Variants in PDE2A observed in about 807,000 individuals in gnomAD.
The protein encoded by PDE2A is cGMP-dependent 3',5'-cyclic phosphodiesterase.
A neutral mutation model predicts 133.6 loss-of-function variants in PDE2A; 53 were observed. That is an observed-to-expected ratio of 0.40 (90% CI 0.32 to 0.50). The LOEUF is 0.50. PDE2A is among the 20% of genes least tolerant of loss of function. The pLI, the probability that PDE2A is intolerant of heterozygous loss-of-function variation, is 0.73. For missense variants in PDE2A, 796 were observed against 1,232.4 expected (o/e 0.65, Z 5.30); for synonymous variants, 491 against 490.2 (o/e 1.00, Z -0.02).
intron 2 of PDE2A, 103 bp downstream of exon 2, chr11:72,642,151 A>C (rs1249795548): frequency 2.0e-5 from 26 of 1,327,146 alleles, no homozygotes; most frequent in Non-Finnish European, 2.5e-5. Context: ...TCAGAACTAG[A>C]GGAGGGGTCT....
At chr11:72,625,956 G>A (rs528163624) in intron 2 of PDE2A, among the ~76,000 whole-genome samples, 35 of 152,366 alleles carry the variant, frequency 2.3e-4, no homozygotes, top group African/African-American at 8.4e-4. Context: ...ACGGTGGGGG[G>A]TGGGGCCGGC....
chr11:72,602,926 C>T (rs1043878466), intron 4 of PDE2A, among the ~76,000 whole-genome samples: 1 of 152,186 alleles, frequency 6.6e-6, no homozygotes, highest in Non-Finnish European at 1.5e-5. Flanking sequence ...GCCTCTCCGC[C>T]CTAACTGTGG....
At chr11:72,669,879 T>A (rs1358405174) in intron 1 of PDE2A, among the ~76,000 whole-genome samples, 3 of 152,204 alleles carry the variant, frequency 2.0e-5, no homozygotes, top group Non-Finnish European at 4.4e-5. Flanking sequence ...GCTGGGTCCC[T>A]CAGCAAGCTC....
At position 72,576,804 on chromosome 11, in the gene PDE2A, C is replaced by T. The variant is rs1174343779; in HGVS notation, c.*580G>A. On this transcript the variant is annotated 3_prime_UTR_variant, in exon 31 of 31. Coordinates refer to ENST00000334456, the MANE Select transcript of PDE2A (RefSeq NM_002599.5). The stretch of plus-strand genomic sequence containing the variant: ...CTCTCTGCAGAGCACTGAGCTGCCC[C>T]TCTGGCAGCTTCTTCCTGGGGCCCC... 5.9e-6 allele frequency: 1 copy of T among 169,592 alleles called. No individual in the cohort carries two copies. Among genetic ancestry groups the T allele is most frequent in the Admixed American group, 6.5e-5 (1 of 15,326 alleles). The allele number at this position is 169,592 out of a possible 1,614,324, so 10.5% of individuals were successfully genotyped here.
intron 2 of PDE2A, among the ~76,000 whole-genome samples, chr11:72,621,004 T>A (rs1042443830): frequency 6.6e-5 from 10 of 152,040 alleles, no homozygotes; most frequent in Non-Finnish European, 1.3e-4. Flanking sequence ...CAAGAGACCA[T>A]AGAGTATTTA....
At chr11:72,588,754 C>A in intron 13 of PDE2A, 30 bp downstream of exon 13, 1 of 1,571,140 alleles carries the variant, frequency 6.4e-7, no homozygotes, top group Non-Finnish European at 8.7e-7. Flanking sequence ...AGTGACATCT[C>A]CTGATCTGCA....
chr11:72,622,463 G>T (rs909946229), intron 2 of PDE2A, among the ~76,000 whole-genome samples: 3 of 152,224 alleles, frequency 2.0e-5, no homozygotes, highest in African/African-American at 7.2e-5. Flanking sequence ...CAAGTGTCTG[G>T]TGTTGGATGG....
chr11:72,599,310 C>T (rs1241268840), intron 4 of PDE2A, among the ~76,000 whole-genome samples: 4 of 152,060 alleles, frequency 2.6e-5, no homozygotes, highest in African/African-American at 9.7e-5. Flanking sequence ...CCAGCCCTCA[C>T]TCATGAGCTC....
At position 72,590,655 on chromosome 11, in the gene PDE2A, T is replaced by C; in HGVS notation, c.550-75A>G. The C allele has an allele frequency of 2.3e-6, 3 of 1,278,144 alleles. No homozygotes were observed. Among genetic ancestry groups the C allele is most frequent in the East Asian group, 3.1e-5 (1 of 31,938 alleles). 79.2% of individuals were successfully genotyped at this position (1,278,144 alleles called of 1,614,324 possible). ...CTTGCTGCAGCGGGATTCCTGCCTT[T>C]GCTCCCGCCGTTCCCTCTGCCTGCC... On this transcript the variant is annotated intron_variant, in intron 7 of 30. Coordinates refer to ENST00000334456, the MANE Select transcript of PDE2A (RefSeq NM_002599.5). This position sits in a 1 kb window ranked among gnomAD's most constrained non-coding sequence, Gnocchi z 4.8.
intron 1 of PDE2A, among the ~76,000 whole-genome samples, chr11:72,664,125 C>T (rs1375239329): frequency 6.6e-6 from 1 of 152,152 alleles, no homozygotes; most frequent in Non-Finnish European, 1.5e-5. Flanking sequence ...AGCCACAGCT[C>T]CTGCAGGGCA....
At chr11:72,655,826 T>A (rs1462856195) in intron 1 of PDE2A, among the ~76,000 whole-genome samples, 2 of 152,200 alleles carry the variant, frequency 1.3e-5, no homozygotes, top group South Asian at 2.1e-4. Context: ...CTAGGGAGAT[T>A]CAGGAGGGAT....
intron 1 of PDE2A, among the ~76,000 whole-genome samples, chr11:72,644,625 A>G (rs1859078179): frequency 6.6e-6 from 1 of 152,212 alleles, no homozygotes; most frequent in Admixed American, 6.5e-5. Context: ...ACCTCAGACC[A>G]TGGTCAACAG....
intron 1 of PDE2A, among the ~76,000 whole-genome samples, chr11:72,673,896 G>A (rs1020633439): frequency 6.6e-6 from 1 of 152,070 alleles, no homozygotes; most frequent in Non-Finnish European, 1.5e-5. Flanking sequence ...CCCCTTCCAT[G>A]GGACCCCAGC....
intron 4 of PDE2A, 82 bp downstream of exon 4, chr11:72,605,056 A>G (rs981373247): frequency 2.3e-6 from 2 of 859,108 alleles, no homozygotes; most frequent in Admixed American, 3.9e-5. Flanking sequence ...GGAGGGTCAG[A>G]CCAGATGACC....
intron 3 of PDE2A, among the ~76,000 whole-genome samples, chr11:72,605,633 G>A (rs1445830904): frequency 1.3e-5 from 2 of 152,204 alleles, no homozygotes; most frequent in Non-Finnish European, 2.9e-5. Context: ...CTGTACCAGG[G>A]ATGGGGCTCA....
intron 1 of PDE2A, chr11:72,652,670 A>G (rs1565193036): frequency 2.2e-6 from 1 of 456,244 alleles, no homozygotes; most frequent in East Asian, 6.9e-5. Context: ...TATTAGCCCA[A>G]TTTTACAGTT....
chr11:72,598,794 C>A, intron 4 of PDE2A: 1 of 985,422 alleles, frequency 1.0e-6, no homozygotes, highest in Non-Finnish European at 1.2e-6. Context: ...CATTCTGAAC[C>A]AAACCCATTC....
At position 72,590,513 on chromosome 11, in the gene PDE2A, A is replaced by T. The variant is rs1022041975; in HGVS notation, c.617T>A (p.Val206Asp). ...CGCCGTCCCCTCCGGGGGGTTCTGG[A>T]CGGCTCGGGGAGCCTCCCTGGGCCC... ...QRGPREAPRAVQNPPEGTAED... is the reference protein window; with the variant it reads ...QRGPREAPRADQNPPEGTAED... Residue 206 changes from valine (V) to aspartate (D), a missense_variant, in exon 8 of 31, where the codon GTC becomes GAC. Physicochemically the swap from Val to Asp is radical, Grantham distance 152 (BLOSUM62 -3). Around this residue, in one of 7 missense-constraint regions of PDE2A, gnomAD observed 417 missense variants for 475.3 expected, o/e 0.88. Transcript: ENST00000334456. This position sits in a 1 kb window ranked among gnomAD's most constrained non-coding sequence, Gnocchi z 4.8. 4.5e-5 allele frequency: 67 copies of T among 1,483,890 alleles called. 3 individuals carry two copies. In the Admixed American group the frequency reaches 1.3e-3, roughly 29 times the overall value. 91.9% of individuals were successfully genotyped at this position (1,483,890 alleles called of 1,614,324 possible). A position where few individuals can be genotyped will look rare whatever the true frequency, so the allele number is the denominator to read the frequency against.
At position 72,597,653 on chromosome 11, in the gene PDE2A, C is replaced by A; in HGVS notation, c.324-34G>T. 1 of 1,439,114 alleles carries A rather than the reference C, an allele frequency of 6.9e-7. No homozygotes were observed. The highest frequency in any genetic ancestry group is 9.7e-7 in the Non-Finnish European group (1 of 1,027,390). The allele number at this position is 1,439,114 out of a possible 1,614,324, so 89.1% of individuals were successfully genotyped here. A position where few individuals can be genotyped will look rare whatever the true frequency, so the allele number is the denominator to read the frequency against. The stretch of plus-strand genomic sequence containing the variant: ...AGGACATGATGCCACCTTGAGAGCC[C>A]CCGACTCAGGGAGGAACGAGGCCTG... On this transcript the variant is annotated intron_variant, in intron 4 of 30. Coordinates refer to ENST00000334456, the MANE Select transcript of PDE2A (RefSeq NM_002599.5). This position sits in a 1 kb window ranked among gnomAD's most constrained non-coding sequence, Gnocchi z 4.6.
Sources: allele counts gnomAD v4.1 joint callset (sites outside exome capture counted in the v4.1 genomes callset), GRCh38; gene constraint gnomAD v4.1.1; regional missense constraint gnomAD v4.1.1; non-coding constraint Gnocchi (gnomAD v3.1); transcripts MANE v1.5; gene names NCBI Gene and HGNC (gene_info 2026-07-23, HGNC 2026-07-21).